ERBB4: variants seen among roughly 807,000 people sequenced by gnomAD.
The protein encoded by ERBB4 is erb-b2 receptor tyrosine kinase 4, also known as receptor tyrosine-protein kinase erbB-4.
Under a neutral mutation model 158.0 loss-of-function variants are expected in ERBB4, and 42 were observed. That is an observed-to-expected ratio of 0.27 (90% CI 0.21 to 0.34). The LOEUF (loss-of-function observed/expected upper bound fraction) is 0.34. Ranked by LOEUF, ERBB4 falls within the 10% of genes least tolerant of loss-of-function variation. The pLI, the probability that ERBB4 is intolerant of heterozygous loss-of-function variation, is 1.00. For missense variants in ERBB4, 1,333 were observed against 1,624.1 expected, an observed-to-expected ratio of 0.82 and a Z score of 3.08; for synonymous variants, 583 against 558.7, an observed-to-expected ratio of 1.04 and a Z score of -0.61.
At chr2:211,853,102 G>A (rs935655015) in intron 3 of ERBB4, among the ~76,000 whole-genome samples, 20 of 151,832 alleles carry the variant, frequency 1.3e-4, no homozygotes, top group African/African-American at 4.1e-4. Flanking sequence ...TCTGAAGGGG[G>A]CATAAAGAAT....
chr2:211,754,595 G>C (rs929381561), intron 4 of ERBB4, among the ~76,000 whole-genome samples: 1 of 151,798 alleles, frequency 6.6e-6, no homozygotes. Flanking sequence ...TTTTAGTAGG[G>C]ACGGGGTTTC....
In ERBB4 at chr2:211,893,691, A is replaced by C. The variant is rs1185171710; in HGVS notation, c.421+53739T>G. 3.3e-3 allele frequency among the ~76,000 whole-genome samples: 402 copies of C among 123,470 alleles called. 17 individuals carry two copies. The highest frequency in any genetic ancestry group is 0.014 in the African/African-American group (384 of 26,702). 81.0% of individuals were successfully genotyped at this position (123,470 alleles called of 152,430 possible). ...CAAAGGGCTAATATCCAGAATCTAC[A>C]ATGAACTCAAACAAATTTACAAGAA... On this transcript the variant is annotated intron_variant, in intron 3 of 27. Transcript: ENST00000342788.
Position 212,142,935 on chromosome 2 carries a change from C to CTT in ERBB4, c.83-18034_83-18033dup, listed in dbSNP as rs763731261. The stretch of plus-strand genomic sequence containing the variant: ...TTGGAAAATAGATGTTTAGGAACAT[C>CTT]TTTTTTTTTTTTCAAGTCCTGGCTG... On this transcript the variant is annotated intron_variant, in intron 1 of 27. Transcript: ENST00000342788. Among the ~76,000 whole-genome samples, 983 of 144,222 alleles carry CTT rather than the reference C, an allele frequency of 6.8e-3. 7 individuals carry two copies. The highest frequency in any genetic ancestry group is 0.025 in the Middle Eastern group (7 of 280). 94.6% of individuals were successfully genotyped at this position (144,222 alleles called of 152,430 possible). A position where few individuals can be genotyped will look rare whatever the true frequency, so the allele number is the denominator to read the frequency against.
intron 16 of ERBB4, among the ~76,000 whole-genome samples, chr2:211,639,763 C>T (rs1307884993): frequency 6.6e-6 from 1 of 152,054 alleles, no homozygotes. Context: ...ACTCTGTTCC[C>T]CAGGCAGGAG....
intron 3 of ERBB4, among the ~76,000 whole-genome samples, chr2:211,814,297 A>G (rs2076828855): frequency 6.6e-6 from 1 of 152,186 alleles, no homozygotes; most frequent in Non-Finnish European, 1.5e-5. Context: ...GTAGGATAAA[A>G]TGAGATGATG....
chr2:212,464,082 G>A (rs74870974), intron 1 of ERBB4, among the ~76,000 whole-genome samples: 4,494 of 152,170 alleles, frequency 0.03, 90 homozygotes, highest in Non-Finnish European at 0.043. Flanking sequence ...TTAGTTATGC[G>A]TGAGAGGGTA....
At chr2:212,091,529 G>A (rs1019757186) in intron 2 of ERBB4, among the ~76,000 whole-genome samples, 1 of 152,062 alleles carries the variant, frequency 6.6e-6, no homozygotes, top group African/African-American at 2.4e-5. Flanking sequence ...CACTGCCAAT[G>A]GTTGCTGTAT....
intron 3 of ERBB4, among the ~76,000 whole-genome samples, chr2:211,825,991 T>C (rs2077092762): frequency 6.6e-6 from 1 of 150,640 alleles, no homozygotes; most frequent in African/African-American, 2.4e-5. Context: ...TAGACTAACA[T>C]TTTGGATATT....
chr2:211,487,530 C>T (rs906004036), intron 20 of ERBB4, among the ~76,000 whole-genome samples: 3 of 152,038 alleles, frequency 2.0e-5, no homozygotes, highest in African/African-American at 7.2e-5. Context: ...AGCATTGCAA[C>T]TTGACATTTT....
chr2:212,283,067 T>A (rs116270204), intron 1 of ERBB4, among the ~76,000 whole-genome samples: 6,078 of 151,948 alleles, frequency 0.04, 199 homozygotes, highest in South Asian at 0.15. Flanking sequence ...ATCTTACTGA[T>A]CATTTCATTA....
intron 16 of ERBB4, among the ~76,000 whole-genome samples, chr2:211,632,915 G>T (rs1433921446): frequency 1.3e-5 from 2 of 151,962 alleles, no homozygotes; most frequent in Admixed American, 6.6e-5. Flanking sequence ...AAGGAATAAA[G>T]AACTAAAATT....
intron 3 of ERBB4, among the ~76,000 whole-genome samples, chr2:211,919,279 A>T (rs1441084102): frequency 1.3e-5 from 2 of 152,044 alleles, no homozygotes; most frequent in African/African-American, 4.8e-5. Context: ...AAAAAGGTTA[A>T]ATTTGGGAGA....
intron 3 of ERBB4, among the ~76,000 whole-genome samples, chr2:211,883,797 T>C (rs2078725564): frequency 6.6e-6 from 1 of 151,768 alleles, no homozygotes; most frequent in Non-Finnish European, 1.5e-5. Context: ...GTCTCGAAAA[T>C]AAAAAATAAA....
rs867750943 is a variant in ERBB4, at chr2:212,458,369, G to A, written c.82+80080C>T. On this transcript the variant is annotated intron_variant, in intron 1 of 27. Coordinates refer to ENST00000342788, the MANE Select transcript of ERBB4 (RefSeq NM_005235.3). Reference sequence around the variant, plus strand: ...ATATAGAAATCTGTAAGGGACATATGGTGAGGAAAGGTGGATTACGGCATT... The same window carrying A: ...ATATAGAAATCTGTAAGGGACATATAGTGAGGAAAGGTGGATTACGGCATT... Among the ~76,000 whole-genome samples the A allele has an allele frequency of 2.0e-5, 3 of 152,214 alleles. No homozygotes were observed. The South Asian group carries it at 6.2e-4, about 32-fold the overall frequency.
chr2:211,658,511 A>G (rs1039579852), intron 15 of ERBB4, among the ~76,000 whole-genome samples: 2 of 152,202 alleles, frequency 1.3e-5, no homozygotes, highest in African/African-American at 4.8e-5. Context: ...TGGATACTTT[A>G]CATAATCACA....
chr2:211,785,032 A>G (rs574675280), intron 4 of ERBB4, among the ~76,000 whole-genome samples: 1 of 151,614 alleles, frequency 6.6e-6, no homozygotes, highest in African/African-American at 2.4e-5. Flanking sequence ...TGATTTACAA[A>G]TATTTTTCCC....
intron 3 of ERBB4, among the ~76,000 whole-genome samples, chr2:211,912,318 C>T (rs1278378559): frequency 6.6e-6 from 1 of 151,946 alleles, no homozygotes; most frequent in African/African-American, 2.4e-5. Context: ...AATTCAGCTT[C>T]ATGGCTTTAA....
At chr2:212,290,352 A>G (rs1369858705) in intron 1 of ERBB4, among the ~76,000 whole-genome samples, 2 of 152,290 alleles carry the variant, frequency 1.3e-5, no homozygotes, top group Admixed American at 6.5e-5. Context: ...AGTACATAGC[A>G]TTGTGTGATA....
chr2:212,040,316 GT>G (rs201067543), intron 2 of ERBB4, among the ~76,000 whole-genome samples: 23 of 151,000 alleles, frequency 1.5e-4, no homozygotes, highest in Non-Finnish European at 2.7e-4. Flanking sequence ...AATTTTAGTA[GT>G]TTTTTTTTCT....
Sources: allele counts gnomAD v4.1 joint callset (sites outside exome capture counted in the v4.1 genomes callset), GRCh38; gene constraint gnomAD v4.1.1; transcripts MANE v1.5; gene names NCBI Gene and HGNC (gene_info 2026-07-23, HGNC 2026-07-21).